The following HIF3A variants were observed in gnomAD, a reference collection of about 807,000 sequenced individuals.
HIF3A encodes hypoxia inducible factor 3 subunit alpha.
In HIF3A, 41 loss-of-function variants were observed where a neutral mutation model predicts 67.2. The observed-to-expected ratio is 0.61, with a 90% confidence interval of 0.48 to 0.79. The LOEUF (loss-of-function observed/expected upper bound fraction) is 0.79. Ranked by LOEUF, HIF3A falls within the 30% of genes least tolerant of loss-of-function variation. The pLI is 0.00. For missense variants in HIF3A, 855 were observed against 898.0 expected (o/e 0.95, Z 0.61); for synonymous variants, 356 against 374.8 (o/e 0.95, Z 0.58).
chr19:46,334,878 G>T, intron 13 of HIF3A, 27 bp from the exon 14 acceptor site: 1 of 1,571,820 alleles, frequency 6.4e-7, no homozygotes, highest in Non-Finnish European at 8.7e-7. Flanking sequence ...TGATGATGAT[G>T]GTGGTGGCTT....
At chr19:46,338,106 C>T in intron 14 of HIF3A, 1 of 434,276 alleles carries the variant, frequency 2.3e-6, no homozygotes, top group Non-Finnish European at 4.6e-6. Context: ...AGTGTCGGTC[C>T]CATAAGGGCA....
At chr19:46,322,029 C>A in intron 10 of HIF3A, 63 bp downstream of exon 10, 1 of 1,530,428 alleles carries the variant, frequency 6.5e-7, no homozygotes, top group Non-Finnish European at 8.9e-7. Flanking sequence ...GGGGTCTTGG[C>A]CTGTGACTTA....
At chr19:46,301,577 G>A (rs1027294620) in intron 1 of HIF3A, among the ~76,000 whole-genome samples, 13 of 152,188 alleles carry the variant, frequency 8.5e-5, no homozygotes, top group African/African-American at 2.7e-4. Flanking sequence ...TGTAATCCCA[G>A]CACTTTGGGA....
chr19:46,321,624 C>T (rs1266057005), intron 9 of HIF3A, 152 bp from the exon 10 acceptor site: 5 of 701,682 alleles, frequency 7.1e-6, no homozygotes, highest in Admixed American at 4.8e-5. Flanking sequence ...AGCAGGGGTC[C>T]TCCAGGCCCC....
chr19:46,312,265 C>T lies in HIF3A; in HGVS notation c.875C>T (p.Thr292Ile), dbSNP rs1969500756. The T allele has an allele frequency of 6.2e-7, 1 of 1,613,862 alleles. No homozygotes were observed. The highest frequency in any genetic ancestry group is 1.3e-5 in the African/African-American group (1 of 74,880). The change falls in exon 7 of 15, where the codon ACC (threonine) becomes ATC (isoleucine). Residue 292 changes from threonine (T) to isoleucine (I), a missense_variant and splice_region_variant. Transcript: ENST00000377670. Reference protein sequence around the residue: ...DSDAVSKSIHTLLSKGQAVTG... With the variant: ...DSDAVSKSIHILLSKGQAVTG... ...GATGCGGTCAGCAAGAGCATCCACACCTGTATGTATCCCATTTCCCCAGGT... is the reference window on the plus strand; with the variant it reads ...GATGCGGTCAGCAAGAGCATCCACATCTGTATGTATCCCATTTCCCCAGGT...
intron 14 of HIF3A, among the ~76,000 whole-genome samples, chr19:46,336,918 C>A (rs1302998068): frequency 3.3e-5 from 5 of 152,100 alleles, no homozygotes; most frequent in Non-Finnish European, 5.9e-5. Context: ...GCCCAGGAGG[C>A]AGAGGTTGCA....
chr19:46,323,088 T>C (rs911543559), intron 10 of HIF3A, among the ~76,000 whole-genome samples: 4 of 151,330 alleles, frequency 2.6e-5, no homozygotes, highest in Non-Finnish European at 5.9e-5. Context: ...TTTGCTCTTA[T>C]CGCCCAGGCT....
chr19:46,320,246 G>A, intron 8 of HIF3A, 197 bp from the exon 9 acceptor site: 1 of 531,380 alleles, frequency 1.9e-6, no homozygotes, highest in African/African-American at 1.9e-5. Flanking sequence ...ATAAAATGCT[G>A]TCAGAATAAA....
At chr19:46,336,639 A>G (rs984003812) in intron 14 of HIF3A, among the ~76,000 whole-genome samples, 1 of 151,894 alleles carries the variant, frequency 6.6e-6, no homozygotes, top group Non-Finnish European at 1.5e-5. Flanking sequence ...CACTCATCTC[A>G]GTTTCCCAAA....
At chr19:46,328,535 T>C (rs1413170804) in intron 11 of HIF3A, among the ~76,000 whole-genome samples, 2 of 152,172 alleles carry the variant, frequency 1.3e-5, no homozygotes, top group African/African-American at 4.8e-5. Flanking sequence ...CTGGATCACC[T>C]CGTGTATTTG....
At chr19:46,324,941 T>C (rs1006225194) in intron 10 of HIF3A, among the ~76,000 whole-genome samples, 22 of 134,358 alleles carry the variant, frequency 1.6e-4, no homozygotes, top group African/African-American at 4.0e-4. Flanking sequence ...CATATATATA[T>C]ACATATATAT....
intron 2 of HIF3A, chr19:46,304,923 T>C (rs1968697853): frequency 9.7e-6 from 4 of 413,260 alleles, no homozygotes; most frequent in African/African-American, 8.2e-5. Context: ...CCCCTTCATA[T>C]TTTGACCCTG....
intron 2 of HIF3A, chr19:46,304,304 C>G: frequency 1.7e-6 from 1 of 586,114 alleles, no homozygotes; most frequent in Non-Finnish European, 3.0e-6. Flanking sequence ...TCCCGCCCCC[C>G]TCGAAGTCTA....
intron 13 of HIF3A, among the ~76,000 whole-genome samples, chr19:46,334,652 A>G (rs2147309554): frequency 6.6e-6 from 1 of 152,192 alleles, no homozygotes; most frequent in South Asian, 2.1e-4. Context: ...GTCTCAAGGG[A>G]TCCTCTCACC....
chr19:46,310,442 C>T (rs1314358307), intron 6 of HIF3A: 6 of 295,270 alleles, frequency 2.0e-5, no homozygotes, highest in Non-Finnish European at 4.1e-5. Flanking sequence ...TATTTGTTCA[C>T]CCTCTATCCT....
rs1971918367 is a variant in HIF3A, at chr19:46,341,080, A to T, written c.*1458A>T. ...ACCCTCCAACGCCCTCCGGTTCCAGATCTTATATTCAGTGATTTCCTCTGG... is the reference window on the plus strand; with the variant it reads ...ACCCTCCAACGCCCTCCGGTTCCAGTTCTTATATTCAGTGATTTCCTCTGG... On this transcript the variant is annotated 3_prime_UTR_variant, in exon 15 of 15. Transcript: ENST00000377670. The T allele has an allele frequency of 6.6e-6, 1 of 151,846 alleles. No individual in the cohort carries two copies. The highest frequency in any genetic ancestry group is 1.5e-5 in the Non-Finnish European group (1 of 68,018). 9.4% of individuals were successfully genotyped at this position (151,846 alleles called of 1,614,324 possible). A position where few individuals can be genotyped will look rare whatever the true frequency, so the allele number is the denominator to read the frequency against.
At chr19:46,336,217 C>T (rs928501721) in intron 14 of HIF3A, among the ~76,000 whole-genome samples, 2 of 151,070 alleles carry the variant, frequency 1.3e-5, no homozygotes, top group African/African-American at 4.9e-5. Flanking sequence ...CTCAGCCTCC[C>T]GAGTAACTGG....
intron 10 of HIF3A, 62 bp downstream of exon 10, chr19:46,322,028 G>A: frequency 6.5e-7 from 1 of 1,536,720 alleles, no homozygotes; most frequent in Non-Finnish European, 8.9e-7. Context: ...GGGGGTCTTG[G>A]CCTGTGACTT....
chr19:46,315,358 C>T (rs1204246873), intron 8 of HIF3A, among the ~76,000 whole-genome samples: 7 of 147,062 alleles, frequency 4.8e-5, no homozygotes, highest in Admixed American at 2.2e-4. Context: ...TGAGCCACCG[C>T]GCCCAGCCCA....
Sources: allele counts gnomAD v4.1 joint callset (sites outside exome capture counted in the v4.1 genomes callset), GRCh38; gene constraint gnomAD v4.1.1; transcripts MANE v1.5; gene names NCBI Gene and HGNC (gene_info 2026-07-23, HGNC 2026-07-21).